The following PCDHGB7 variants were observed in gnomAD, a reference collection of about 807,000 sequenced individuals.
PCDHGB7 encodes protocadherin gamma-B7.
In PCDHGB7, 37 loss-of-function variants were observed where a neutral mutation model predicts 61.4. The observed-to-expected ratio is 0.60, with a 90% CI of 0.46 to 0.79. The LOEUF is 0.79. Ranked by LOEUF, PCDHGB7 falls within the 30% of genes least tolerant of loss-of-function variation. The pLI, the probability that PCDHGB7 is intolerant of heterozygous loss-of-function variation, is 0.00. For synonymous variants in PCDHGB7, 464 were observed against 503.5 expected (o/e 0.92, Z 1.05); for missense variants, 1,166 against 1,202.5 (o/e 0.97, Z 0.45).
intron 1 of PCDHGB7, among the ~76,000 whole-genome samples, chr5:141,470,036 C>T (rs573955901): frequency 5.3e-5 from 8 of 152,022 alleles, no homozygotes; most frequent in South Asian, 2.1e-4. Flanking sequence ...TGCTGAGGCG[C>T]GAGAACTGTT....
intron 1 of PCDHGB7, chr5:141,478,583 C>G: frequency 6.3e-7 from 1 of 1,578,146 alleles, no homozygotes; most frequent in Non-Finnish European, 8.6e-7. Context: ...CCTGTTAGTG[C>G]TTTTTTATTC....
chr5:141,466,039 A>G (rs926979550), intron 1 of PCDHGB7, among the ~76,000 whole-genome samples: 1 of 152,122 alleles, frequency 6.6e-6, no homozygotes, highest in Non-Finnish European at 1.5e-5. Context: ...GGAGAACGGC[A>G]TGAACCCAGG....
chr5:141,420,963 A>T, intron 1 of PCDHGB7: 1 of 430,262 alleles, frequency 2.3e-6, no homozygotes, highest in Non-Finnish European at 4.1e-6. Flanking sequence ...TAGTCGTTGC[A>T]ATAATAAGAA....
In PCDHGB7 at chr5:141,495,049, T is replaced by G. The variant is rs543734863; in HGVS notation, c.2474+184T>G. ...CCCCGGAAGGAAGAGGCGACTGCCC[T>G]GACTGTTCAGGAAGCTCAATTCACA... On this transcript the variant is annotated intron_variant, in intron 2 of 3. Coordinates refer to ENST00000398594, the MANE Select transcript of PCDHGB7 (RefSeq NM_018927.4). Among the ~76,000 whole-genome samples the G allele has an allele frequency of 5.6e-4, 86 of 152,312 alleles. 1 individual carries two copies. Among genetic ancestry groups the G allele is most frequent in the African/African-American group, 1.6e-3 (65 of 41,578 alleles).
At chr5:141,478,050 C>T (rs2099429383) in intron 1 of PCDHGB7, 1 of 1,614,066 alleles carries the variant, frequency 6.2e-7, no homozygotes, top group Non-Finnish European at 8.5e-7. Flanking sequence ...CAGACTCTCA[C>T]GGTCTTGATC....
intron 1 of PCDHGB7, chr5:141,428,129 C>T (rs1449809875): frequency 1.2e-6 from 2 of 1,603,336 alleles, no homozygotes; most frequent in Non-Finnish European, 1.7e-6. Context: ...CCGGGCTTTT[C>T]AGCCTGGGGC....
intron 2 of PCDHGB7, among the ~76,000 whole-genome samples, chr5:141,500,501 G>A (rs571735791): frequency 1.3e-5 from 2 of 152,058 alleles, no homozygotes; most frequent in Non-Finnish European, 2.9e-5. Context: ...GAGCCACCGC[G>A]CCTGGCCGAG....
chr5:141,438,767 T>C (rs1478209487), intron 1 of PCDHGB7, among the ~76,000 whole-genome samples: 2 of 148,566 alleles, frequency 1.3e-5, no homozygotes, highest in Non-Finnish European at 3.0e-5. Flanking sequence ...GTTCAAGCGA[T>C]TCTCCTGCCT....
chr5:141,491,884 G>C lies in PCDHGB7; in HGVS notation c.2416-2923G>C, dbSNP rs745931108. 5.0e-5 allele frequency: 73 copies of C among 1,446,372 alleles called. No homozygotes were observed. The highest frequency in any genetic ancestry group is 6.3e-5 in the Non-Finnish European group (69 of 1,094,334). The allele number at this position is 1,446,372 out of a possible 1,614,324, so 89.6% of individuals were successfully genotyped here. A position where few individuals can be genotyped will look rare whatever the true frequency, so the allele number is the denominator to read the frequency against. On this transcript the variant is annotated intron_variant, in intron 1 of 3. Coordinates refer to ENST00000398594, the MANE Select transcript of PCDHGB7 (RefSeq NM_018927.4). The surrounding 1 kb of genome is among the most constrained non-coding windows in gnomAD (Gnocchi z 6.9). The stretch of plus-strand genomic sequence containing the variant: ...AACCAGAGTGGCCGATTAAGGGATG[G>C]GGCTCCGAGCACCGGGGGTGGTGGC...
chr5:141,431,318 G>C lies in PCDHGB7; in HGVS notation c.2415+11044G>C. 1 of 1,614,086 alleles carries C rather than the reference G, an allele frequency of 6.2e-7. No homozygotes were observed. Among genetic ancestry groups the C allele is most frequent in the African/African-American group, 1.3e-5 (1 of 75,050 alleles). On this transcript the variant is annotated intron_variant, in intron 1 of 3. Transcript: ENST00000398594. The surrounding 1 kb of genome is among the most constrained non-coding windows in gnomAD (Gnocchi z 4.8). ...CTCCCTCATCGTGCAAAATGGAGCC[G>C]ACGGTAGTAAGTACCCCGAATTGGT...
intron 1 of PCDHGB7, among the ~76,000 whole-genome samples, chr5:141,459,962 C>T (rs994878993): frequency 5.3e-5 from 8 of 152,290 alleles, no homozygotes; most frequent in South Asian, 2.1e-4. Flanking sequence ...CCTGTAATCC[C>T]AGCTACTCAG....
At chr5:141,453,932 C>T (rs57919166) in intron 1 of PCDHGB7, among the ~76,000 whole-genome samples, 2 of 152,296 alleles carry the variant, frequency 1.3e-5, no homozygotes, top group African/African-American at 4.8e-5. Context: ...TCACTGTGTG[C>T]CTATAATTTA....
rs1375121802 is a variant in PCDHGB7 at position 141,432,471 on chromosome 5, G to A, written c.2415+12197G>A. 2 of 1,614,094 alleles carry A rather than the reference G, an allele frequency of 1.2e-6. No homozygotes were observed. Among genetic ancestry groups the A allele is most frequent in the African/African-American group, 2.7e-5 (2 of 74,946 alleles). ...CTGTACCCCGCCCTCCCCACGGACG[G>A]TTCCACTGGCGTGGAGCTGGCTCCC... is the stretch of plus-strand genomic sequence containing the variant. On this transcript the variant is annotated intron_variant, in intron 1 of 3. Coordinates refer to ENST00000398594, the MANE Select transcript of PCDHGB7 (RefSeq NM_018927.4). The surrounding 1 kb of genome is among the most constrained non-coding windows in gnomAD (Gnocchi z 6.0).
intron 1 of PCDHGB7, among the ~76,000 whole-genome samples, chr5:141,465,140 G>A (rs1019369475): frequency 5.3e-5 from 8 of 151,554 alleles, no homozygotes; most frequent in Non-Finnish European, 7.4e-5. Context: ...AAGTTTAGGG[G>A]ATATATGAAG....
At chr5:141,470,838 C>T (rs142581300) in intron 1 of PCDHGB7, among the ~76,000 whole-genome samples, 5 of 152,222 alleles carry the variant, frequency 3.3e-5, no homozygotes, top group African/African-American at 7.2e-5. Flanking sequence ...CAAACACACG[C>T]CACCATGCTC....
chr5:141,476,986 C>A lies in PCDHGB7; in HGVS notation c.2416-17821C>A. ...CCTTCGGCAGCCACAACCGCGCCGG[C>A]GTGCGGCAACTATTCGCCTTAGACC... On this transcript the variant is annotated intron_variant, in intron 1 of 3. Transcript: ENST00000398594. The surrounding 1 kb of genome is among the most constrained non-coding windows in gnomAD (Gnocchi z 7.6). 6.2e-7 allele frequency: 1 copy of A among 1,614,218 alleles called. No individual in the cohort carries two copies. The highest frequency in any genetic ancestry group is 8.5e-7 in the Non-Finnish European group (1 of 1,180,042).
intron 1 of PCDHGB7, among the ~76,000 whole-genome samples, chr5:141,447,851 C>A (rs961725006): frequency 6.6e-6 from 1 of 151,980 alleles, no homozygotes; most frequent in African/African-American, 2.4e-5. Flanking sequence ...TTTGGGAGGC[C>A]GAGGTGGGTG....
At chr5:141,471,046 CTT>C (rs1170588345) in intron 1 of PCDHGB7, among the ~76,000 whole-genome samples, 2,578 of 113,210 alleles carry the variant, frequency 0.023, 53 homozygotes, top group East Asian at 0.11. Context: ...CCCAAGCCCT[CTT>C]TTTTTTTTTT....
At chr5:141,447,209 G>A (rs1004956165) in intron 1 of PCDHGB7, among the ~76,000 whole-genome samples, 3 of 151,850 alleles carry the variant, frequency 2.0e-5, no homozygotes, top group East Asian at 3.9e-4. Context: ...GCTTGATCTC[G>A]GCTCACTGCA....
Sources: allele counts gnomAD v4.1 joint callset (sites outside exome capture counted in the v4.1 genomes callset), GRCh38; gene constraint gnomAD v4.1.1; non-coding constraint Gnocchi (gnomAD v3.1); transcripts MANE v1.5; gene names NCBI Gene and HGNC (gene_info 2026-07-23, HGNC 2026-07-21).